The following CELF2 variants were observed in gnomAD, a reference collection of about 807,000 sequenced individuals.
CELF2 encodes the protein CUG triplet repeat RNA-binding protein 2.
In CELF2, 8 loss-of-function variants were observed where a neutral mutation model predicts 62.6. The ratio of observed to expected loss-of-function variants is 0.13; its 90% confidence interval spans 0.07 to 0.23. The LOEUF (loss-of-function observed/expected upper bound fraction) is 0.23, where lower values mean the gene tolerates loss of function less well. Among genes scored for constraint, CELF2 ranks in the 10% least tolerant of loss-of-function variants. CELF2 has a pLI of 1.00. For synonymous variants in CELF2, 258 were observed against 250.0 expected, an observed-to-expected ratio of 1.03 and a Z score of -0.30; for missense variants, 333 against 671.0, an observed-to-expected ratio of 0.50 and a Z score of 5.56.
At chr10:10,580,113 A>G in the CELF2 span, among the ~76,000 whole-genome samples, 5 of 152,198 alleles carry the variant, frequency 3.3e-5, no homozygotes, top group Non-Finnish European at 7.3e-5. Flanking sequence ...CCTTAAAATA[A>G]TATATTACAA....
chr10:10,650,977 G>A, the CELF2 span, among the ~76,000 whole-genome samples: 2 of 151,978 alleles, frequency 1.3e-5, no homozygotes, highest in East Asian at 1.9e-4. Flanking sequence ...ATCTCACTAG[G>A]GAGTGCCAGA....
the CELF2 span, among the ~76,000 whole-genome samples, chr10:10,525,840 C>T: frequency 2.6e-5 from 4 of 152,164 alleles, no homozygotes; most frequent in African/African-American, 9.7e-5. Flanking sequence ...GATATATACC[C>T]AGTGGTGGAT....
At chr10:10,522,858 C>G in the CELF2 span, among the ~76,000 whole-genome samples, 1 of 152,214 alleles carries the variant, frequency 6.6e-6, no homozygotes, top group Non-Finnish European at 1.5e-5. Context: ...GCATAAGCCA[C>G]CGTGTCTGGC....
the CELF2 span, among the ~76,000 whole-genome samples, chr10:10,672,373 T>C: frequency 6.6e-6 from 1 of 152,220 alleles, no homozygotes; most frequent in Non-Finnish European, 1.5e-5. Flanking sequence ...TATATAGTCA[T>C]CTAGATTTTC....
intron 2 of CELF2, among the ~76,000 whole-genome samples, chr10:11,170,495 G>T (rs1272105144): frequency 6.6e-6 from 1 of 152,184 alleles, no homozygotes; most frequent in Non-Finnish European, 1.5e-5. Flanking sequence ...GGCCCTGATG[G>T]TTGTGGACTG....
At chr10:10,468,556 T>G in the CELF2 span, among the ~76,000 whole-genome samples, 1 of 152,024 alleles carries the variant, frequency 6.6e-6, no homozygotes, top group Non-Finnish European at 1.5e-5. Flanking sequence ...GTGGAAAGTT[T>G]GCTCAACTTT....
At chr10:11,288,343 A>G (rs2091849792) in intron 8 of CELF2, 75 bp from the exon 9 acceptor site, 1 of 1,566,572 alleles carries the variant, frequency 6.4e-7, no homozygotes, top group Non-Finnish European at 8.7e-7. Context: ...TGACGATTTG[A>G]TGAGCCTGCT....
intron 8 of CELF2, among the ~76,000 whole-genome samples, chr10:11,281,051 C>G (rs1051054762): frequency 1.2e-4 from 18 of 150,594 alleles, no homozygotes; most frequent in African/African-American, 4.4e-4. Context: ...TGTCTTCATC[C>G]TCCCTCTTCT....
chr10:11,165,241 G>A lies in CELF2; in HGVS notation c.75-245G>A, dbSNP rs984209881. The A allele has an allele frequency of 1.5e-6, 2 of 1,340,970 alleles. No individual in the cohort carries two copies. The highest frequency in any genetic ancestry group is 1.9e-6 in the Non-Finnish European group (2 of 1,043,994). The allele number at this position is 1,340,970 out of a possible 1,614,324, so 83.1% of individuals were successfully genotyped here. ...CGCCCTGGGTGACAGGCGGCAGGGC[G>A]CTGCCCCGTGCTCCCCCGGCTCTGC... On this transcript the variant is annotated intron_variant, in intron 1 of 12. Transcript: ENST00000633077. This position sits in a 1 kb window ranked among gnomAD's most constrained non-coding sequence, Gnocchi z 7.4.
At chr10:10,781,152 T>C in the CELF2 span, among the ~76,000 whole-genome samples, 1 of 152,220 alleles carries the variant, frequency 6.6e-6, no homozygotes, top group Non-Finnish European at 1.5e-5. Context: ...GTACATACAG[T>C]CTTGCACCAC....
intron 1 of CELF2, among the ~76,000 whole-genome samples, chr10:10,842,738 A>G (rs1301650642): frequency 6.6e-6 from 1 of 152,042 alleles, no homozygotes; most frequent in African/African-American, 2.4e-5. Context: ...GAGAGATATT[A>G]GACTGTCATT....
intron 1 of CELF2, among the ~76,000 whole-genome samples, chr10:10,807,751 T>A (rs1409756173): frequency 6.6e-6 from 1 of 152,196 alleles, no homozygotes; most frequent in Non-Finnish European, 1.5e-5. Context: ...AACATAATAA[T>A]CATTCCTTAT....
chr10:10,905,972 G>T (rs2063311776), intron 1 of CELF2, among the ~76,000 whole-genome samples: 1 of 152,146 alleles, frequency 6.6e-6, no homozygotes, highest in African/African-American at 2.4e-5. Flanking sequence ...CAGGGCACCT[G>T]AGGCAGGAGA....
At chr10:10,917,866 C>T (rs568668886) in intron 1 of CELF2, 1 of 152,260 alleles carries the variant, frequency 6.6e-6, no homozygotes, top group Non-Finnish European at 1.5e-5. Flanking sequence ...AGAAATGCTC[C>T]ACTGTGATTT....
the CELF2 span, chr10:10,792,224 T>A: frequency 2.5e-6 from 1 of 395,094 alleles, no homozygotes; most frequent in African/African-American, 2.1e-5. Context: ...CAATCAATAT[T>A]TGTGTGCAGT....
At chr10:10,740,132 T>C in the CELF2 span, among the ~76,000 whole-genome samples, 3 of 150,438 alleles carry the variant, frequency 2.0e-5, no homozygotes, top group Non-Finnish European at 4.4e-5. Context: ...CGTTTGTTTA[T>C]TTTTGCTTTT....
At chr10:10,834,104 C>T (rs1041148563) in intron 1 of CELF2, among the ~76,000 whole-genome samples, 1 of 152,128 alleles carries the variant, frequency 6.6e-6, no homozygotes, top group South Asian at 2.1e-4. Flanking sequence ...AAATATGGTA[C>T]ATATACATCA....
chr10:10,696,224 C>G, the CELF2 span, among the ~76,000 whole-genome samples: 2 of 151,922 alleles, frequency 1.3e-5, no homozygotes, highest in Admixed American at 1.3e-4. Context: ...TTCTAACAGA[C>G]AGGACTCTCA....
In CELF2 at chr10:11,269,677, G is replaced by A. The variant is rs906124978; in HGVS notation, c.619-989G>A. ...GAGGAGAAGAGGCTGGGGAAGGAGG[G>A]GGAGACTTCTGCTGAGTTACTTACC... On this transcript the variant is annotated intron_variant, in intron 6 of 12. Coordinates refer to ENST00000633077, the MANE Select transcript of CELF2 (RefSeq NM_001326342.2). This position sits in a 1 kb window ranked among gnomAD's most constrained non-coding sequence, Gnocchi z 4.4. Among the ~76,000 whole-genome samples, 2 of 146,742 alleles carry A rather than the reference G, an allele frequency of 1.4e-5. No individual in the cohort carries two copies. Among genetic ancestry groups the A allele is most frequent in the Non-Finnish European group, 3.0e-5 (2 of 66,446 alleles).
Sources: allele counts gnomAD v4.1 joint callset (sites outside exome capture counted in the v4.1 genomes callset), GRCh38; gene constraint gnomAD v4.1.1; non-coding constraint Gnocchi (gnomAD v3.1); transcripts MANE v1.5; gene names NCBI Gene and HGNC (gene_info 2026-07-23, HGNC 2026-07-21).